The following EVC variants were observed in gnomAD, a reference collection of about 807,000 sequenced individuals.
EVC encodes the protein evC complex member EVC.
A neutral mutation model predicts 118.9 loss-of-function variants in EVC; 116 were observed. The observed-to-expected ratio is 0.98, with a 90% CI of 0.84 to 1.14. The LOEUF is 1.14. Ranked by LOEUF, EVC falls within the 50% of genes most tolerant of loss-of-function variation. The probability of loss-of-function intolerance (pLI) is 0.00; values close to 1 mark genes in which losing one functional copy is unlikely to be tolerated. For missense variants in EVC, 1,401 were observed against 1,246.4 expected (o/e 1.12, Z -1.87); for synonymous variants, 619 against 534.7 (o/e 1.16, Z -2.18).
chr4:5,761,977 G>C (rs1346564287), intron 11 of EVC, among the ~76,000 whole-genome samples: 1 of 150,808 alleles, frequency 6.6e-6, no homozygotes, highest in East Asian at 1.9e-4. Context: ...ATGTATACCT[G>C]TGCCATGCTG....
Position 5,749,421 on chromosome 4 carries a change from C to A in EVC, c.1098+1115C>A, listed in dbSNP as rs1012619372. Among the ~76,000 whole-genome samples, 4 of 150,632 alleles carry A rather than the reference C, an allele frequency of 2.7e-5. No homozygotes were observed. Among genetic ancestry groups the A allele is most frequent in the African/African-American group, 9.8e-5 (4 of 40,928 alleles). On this transcript the variant is annotated intron_variant, in intron 8 of 20. Coordinates refer to ENST00000264956, the MANE Select transcript of EVC (RefSeq NM_153717.3). The surrounding 1 kb of genome is among the most constrained non-coding windows in gnomAD (Gnocchi z 4.4). ...AGATAAGCAAAAAAGTCCTCACATT[C>A]AAAGGGTTGGACACCCGTGGGAGAG...
chr4:5,714,738 C>T (rs1428746397), intron 1 of EVC, among the ~76,000 whole-genome samples: 1 of 152,112 alleles, frequency 6.6e-6, no homozygotes, highest in African/African-American at 2.4e-5. Flanking sequence ...TCATGAATAC[C>T]TTCTTTTCTT....
At chr4:5,795,762 G>T (rs938184269) in intron 13 of EVC, among the ~76,000 whole-genome samples, 1 of 152,192 alleles carries the variant, frequency 6.6e-6, no homozygotes, top group Non-Finnish European at 1.5e-5. Context: ...AATTTGTCTC[G>T]CCTGAAAACC....
intron 7 of EVC, among the ~76,000 whole-genome samples, chr4:5,747,326 C>T (rs1729515637): frequency 6.6e-6 from 1 of 152,192 alleles, no homozygotes; most frequent in African/African-American, 2.4e-5. Context: ...TTCAGCCTCT[C>T]AGAGGCTGAG....
rs1341454528 is a variant in EVC at position 5,754,443 on chromosome 4, A to T, written c.1464+510A>T. On this transcript the variant is annotated intron_variant, in intron 10 of 20. Coordinates refer to ENST00000264956, the MANE Select transcript of EVC (RefSeq NM_153717.3). This position sits in a 1 kb window ranked among gnomAD's most constrained non-coding sequence, Gnocchi z 5.8. ...ACCCTTGGTCTTGCCTGAGAAGGGG[A>T]CAAGAAGACCTGAAGGAGGACAAAA... Among the ~76,000 whole-genome samples, 1 of 152,040 alleles carries T rather than the reference A, an allele frequency of 6.6e-6. No homozygotes were observed. The highest frequency in any genetic ancestry group is 1.5e-5 in the Non-Finnish European group (1 of 67,998).
rs1204586037 is a variant in EVC at position 5,778,657 on chromosome 4, C to G, written c.1564-4895C>G. ...TGTCTTCTTTTGAGAAGTGTCTGTTCATGTCCTTCGCCCACTTTTTGATGG... is the reference window on the plus strand; with the variant it reads ...TGTCTTCTTTTGAGAAGTGTCTGTTGATGTCCTTCGCCCACTTTTTGATGG... On this transcript the variant is annotated intron_variant, in intron 11 of 20. Coordinates refer to ENST00000264956, the MANE Select transcript of EVC (RefSeq NM_153717.3). Among the ~76,000 whole-genome samples, 7 of 152,240 alleles carry G rather than the reference C, an allele frequency of 4.6e-5. No individual in the cohort carries two copies. The South Asian group carries it at 1.5e-3, about 32-fold the overall frequency.
At chr4:5,724,703 T>A (rs1295056249) in intron 2 of EVC, among the ~76,000 whole-genome samples, 3 of 149,522 alleles carry the variant, frequency 2.0e-5, no homozygotes, top group Non-Finnish European at 1.5e-5. Flanking sequence ...CCCTGTTATT[T>A]TTTTTTTTTT....
At chr4:5,776,582 A>C (rs1734750872) in intron 11 of EVC, among the ~76,000 whole-genome samples, 1 of 152,062 alleles carries the variant, frequency 6.6e-6, no homozygotes, top group Non-Finnish European at 1.5e-5. Context: ...ATCTCTTCAA[A>C]TACTGCTTCT....
At position 5,772,588 on chromosome 4, in the gene EVC, G is replaced by A. The variant is rs568849768; in HGVS notation, c.1564-10964G>A. On this transcript the variant is annotated intron_variant, in intron 11 of 20. Coordinates refer to ENST00000264956, the MANE Select transcript of EVC (RefSeq NM_153717.3). ...ATCATGACCACTTAGCTTGGTCCAC[G>A]AGGCCCATCCAGCCTGTCCACAAGA... 2.9e-4 allele frequency among the ~76,000 whole-genome samples: 44 copies of A among 152,098 alleles called. No homozygotes were observed. The East Asian group carries it at 7.7e-3, about 27-fold the overall frequency.
rs913909906 is a variant in EVC at position 5,783,671 on chromosome 4, C to T, written c.1683C>T (p.Val561=). The change falls in exon 12 of 21, where the codon GTC becomes GTT. Residue 561 remains valine (V), a synonymous_variant. Coordinates refer to ENST00000264956, the MANE Select transcript of EVC (RefSeq NM_153717.3). ...PEECDYLRQE[V]QENAAWQLGK... is the part of the protein sequence containing the mutation. ...AGTGTGACTACTTGAGGCAGGAAGTCCAGGAGAACGCTGCCTGGCAGCTGG... is the reference window on the plus strand; with the variant it reads ...AGTGTGACTACTTGAGGCAGGAAGTTCAGGAGAACGCTGCCTGGCAGCTGG... 1.9e-6 allele frequency: 3 copies of T among 1,613,998 alleles called. No individual in the cohort carries two copies. Among genetic ancestry groups the T allele is most frequent in the Non-Finnish European group, 2.5e-6 (3 of 1,180,028 alleles).
chr4:5,734,304 A>T (rs902184035), intron 5 of EVC, among the ~76,000 whole-genome samples: 3 of 152,200 alleles, frequency 2.0e-5, no homozygotes, highest in African/African-American at 7.2e-5. Context: ...AGACACACAG[A>T]TATGTCTACA....
At position 5,755,802 on chromosome 4, in the gene EVC, C is replaced by T. The variant is rs1731076829; in HGVS notation, c.1465-462C>T. 6.6e-6 allele frequency among the ~76,000 whole-genome samples: 1 copy of T among 152,214 alleles called. No homozygotes were observed. Among genetic ancestry groups the T allele is most frequent in the Admixed American group, 6.5e-5 (1 of 15,286 alleles). On this transcript the variant is annotated intron_variant, in intron 10 of 20. Coordinates refer to ENST00000264956, the MANE Select transcript of EVC (RefSeq NM_153717.3). This position sits in a 1 kb window ranked among gnomAD's most constrained non-coding sequence, Gnocchi z 4.1. ...CTGCTGATGCCCGGGTTAGCCCAGT[C>T]TCCTGCTGCTCTGCTGGGGTCCTCA...
At chr4:5,785,254 T>C (rs927744978) in intron 12 of EVC, among the ~76,000 whole-genome samples, 2 of 152,224 alleles carry the variant, frequency 1.3e-5, no homozygotes, top group Non-Finnish European at 2.9e-5. Context: ...TGCGTGAGCC[T>C]GGTGGGCTCC....
chr4:5,782,616 GGTTT>G (rs895749577), intron 11 of EVC, among the ~76,000 whole-genome samples: 4 of 147,504 alleles, frequency 2.7e-5, no homozygotes, highest in African/African-American at 9.9e-5. Context: ...TTATGGTGTG[GGTTT>G]GTTTTTCATG....
intron 8 of EVC, among the ~76,000 whole-genome samples, chr4:5,752,200 C>T (rs887203791): frequency 2.0e-5 from 3 of 152,090 alleles, no homozygotes; most frequent in Middle Eastern, 3.2e-3. Flanking sequence ...CCTCCTTTCC[C>T]CCTTACTCTC....
rs1553857987 is a variant in EVC, at chr4:5,711,506, C to CGGCCTT, written c.127_132dup (p.Gly43_Leu44dup). 2 of 1,159,886 alleles carry CGGCCTT rather than the reference C, an allele frequency of 1.7e-6. No homozygotes were observed. The highest frequency in any genetic ancestry group is 2.1e-6 in the Non-Finnish European group (2 of 942,660). The allele number at this position is 1,159,886 out of a possible 1,614,324, so 71.8% of individuals were successfully genotyped here. ...TGGGCGCCGCGCTCGGCCTCGGCCT[C>CGGCCTT]GGCCTTTGGCTTGGCTGCCGCGCGG... On this transcript the variant is annotated inframe_insertion, in exon 1 of 21. Coordinates refer to ENST00000264956, the MANE Select transcript of EVC (RefSeq NM_153717.3).
At chr4:5,794,882 T>C (rs1413089671) in intron 13 of EVC, among the ~76,000 whole-genome samples, 1 of 152,178 alleles carries the variant, frequency 6.6e-6, no homozygotes, top group Non-Finnish European at 1.5e-5. Context: ...GGTAGTTTTT[T>C]AACACTTGGC....
chr4:5,825,464 T>C, the EVC span: 23 of 1,539,964 alleles, frequency 1.5e-5, no homozygotes, highest in Non-Finnish European at 1.9e-5. This position sits in a 1 kb window ranked among gnomAD's most constrained non-coding sequence, Gnocchi z 4.4. Flanking sequence ...GCTGCAATTG[T>C]GGGGAGCCTG....
intron 8 of EVC, among the ~76,000 whole-genome samples, chr4:5,751,221 G>A (rs901055641): frequency 3.3e-5 from 5 of 152,198 alleles, no homozygotes; most frequent in African/African-American, 9.6e-5. Flanking sequence ...TGAGGAGCTT[G>A]TGCTCAGGTC....
Sources: allele counts gnomAD v4.1 joint callset (sites outside exome capture counted in the v4.1 genomes callset), GRCh38; gene constraint gnomAD v4.1.1; non-coding constraint Gnocchi (gnomAD v3.1); transcripts MANE v1.5; gene names NCBI Gene and HGNC (gene_info 2026-07-23, HGNC 2026-07-21).